The following SOX5 variants were observed in gnomAD, a reference collection of about 807,000 sequenced individuals.
SOX5 encodes the protein transcription factor SOX-5.
Under a neutral mutation model 92.0 loss-of-function variants are expected in SOX5, and 9 were observed. The observed-to-expected ratio is 0.10, with a 90% CI of 0.06 to 0.17. SOX5 has a LOEUF of 0.17. Among genes scored for constraint, SOX5 ranks in the 10% least tolerant of loss-of-function variants. SOX5 has a pLI of 1.00. For synonymous variants in SOX5, 344 were observed against 336.3 expected, an observed-to-expected ratio of 1.02 and a Z score of -0.25; for missense variants, 642 against 944.5, an observed-to-expected ratio of 0.68 and a Z score of 4.20.
chr12:24,208,772 A>G (rs1958282735), intron 4 of SOX5, among the ~76,000 whole-genome samples: 2 of 152,250 alleles, frequency 1.3e-5, no homozygotes, highest in Non-Finnish European at 2.9e-5. Context: ...AGACAGGTTT[A>G]CTTCCAAGTG....
intron 6 of SOX5, among the ~76,000 whole-genome samples, chr12:23,705,019 C>T (rs1469241785): frequency 1.3e-5 from 2 of 151,706 alleles, no homozygotes; most frequent in South Asian, 2.1e-4. Flanking sequence ...AACGTTCTAT[C>T]TATGTTAACT....
chr12:23,799,771 T>G (rs2095629581), intron 3 of SOX5, among the ~76,000 whole-genome samples: 1 of 151,964 alleles, frequency 6.6e-6, no homozygotes, highest in Non-Finnish European at 1.5e-5. Context: ...TTACAGACAG[T>G]GTCCTAGAGG....
intron 4 of SOX5, among the ~76,000 whole-genome samples, chr12:23,963,891 A>T (rs1947254341): frequency 6.6e-6 from 1 of 152,150 alleles, no homozygotes; most frequent in African/African-American, 2.4e-5. Context: ...ACCAGTTATT[A>T]AACTAGTTAT....
chr12:23,570,940 T>A (rs1245380048), intron 10 of SOX5, among the ~76,000 whole-genome samples: 186 of 6,862 alleles, frequency 0.027, 2 homozygotes, highest in Non-Finnish European at 0.034. Context: ...AATATATATA[T>A]ATATATATAT....
intron 8 of SOX5, among the ~76,000 whole-genome samples, chr12:23,606,576 C>T (rs891199041): frequency 4.0e-5 from 6 of 151,798 alleles, no homozygotes; most frequent in South Asian, 2.1e-4. Context: ...ATATTTAAAT[C>T]GCTTAACCAA....
chr12:24,038,282 T>C (rs1262321403), intron 4 of SOX5, among the ~76,000 whole-genome samples: 1 of 152,186 alleles, frequency 6.6e-6, no homozygotes. Flanking sequence ...TGGAATTCAC[T>C]GGCCCTGCAA....
chr12:24,391,924 C>T (rs1360545254), intron 1 of SOX5, among the ~76,000 whole-genome samples: 1 of 151,968 alleles, frequency 6.6e-6, no homozygotes. Context: ...CAAATGTTAC[C>T]AACAATAGGT....
intron 8 of SOX5, among the ~76,000 whole-genome samples, chr12:23,626,621 G>A (rs1445149476): frequency 6.7e-6 from 1 of 149,264 alleles, no homozygotes; most frequent in African/African-American, 2.5e-5. Context: ...CTCACAAGGT[G>A]CAGAGTTTCC....
intron 2 of SOX5, chr12:24,277,450 ATATATGTAAATT>A (rs1189841100): frequency 1.6e-5 from 1 of 61,540 alleles, no homozygotes; most frequent in African/African-American, 3.2e-5. Flanking sequence ...AAACCATTAT[ATATATGTAAATT>A]TACATTTAAA....
chr12:24,241,229 A>T (rs1965501606), intron 3 of SOX5, among the ~76,000 whole-genome samples: 1 of 152,120 alleles, frequency 6.6e-6, no homozygotes, highest in South Asian at 2.1e-4. Context: ...AAACCACAAG[A>T]TTTTTTCTTA....
At chr12:23,611,931 A>G (rs934160130) in intron 8 of SOX5, among the ~76,000 whole-genome samples, 4 of 152,060 alleles carry the variant, frequency 2.6e-5, no homozygotes, top group Admixed American at 2.6e-4. Context: ...AATTAAAAAA[A>G]AAAAAACACA....
chr12:24,185,800 TA>T (rs1310860148), intron 4 of SOX5, among the ~76,000 whole-genome samples: 4 of 152,182 alleles, frequency 2.6e-5, no homozygotes, highest in Non-Finnish European at 4.4e-5. Flanking sequence ...TATCCATGAT[TA>T]ATATTATTTG....
In SOX5 at chr12:24,091,299, T is replaced by C. The variant is rs571692648; in HGVS notation, c.-2+122044A>G. Among the ~76,000 whole-genome samples, 15 of 152,338 alleles carry C rather than the reference T, an allele frequency of 9.8e-5. 1 individual carries two copies. In the East Asian group the frequency reaches 2.9e-3, roughly 29 times the overall value. ...ATGTTATAACCAAGTTACGATATAT[T>C]ATTGTCATATACTGTATCATTGGTG... is the stretch of plus-strand genomic sequence containing the variant. On this transcript the variant is annotated intron_variant, in intron 4 of 4. Coordinates refer to the SOX5 transcript ENST00000446891.
chr12:24,384,003 G>A (rs1251164564), intron 1 of SOX5, among the ~76,000 whole-genome samples: 3 of 152,010 alleles, frequency 2.0e-5, no homozygotes, highest in Non-Finnish European at 4.4e-5. Flanking sequence ...TTTTATAAGC[G>A]GCTTTTCCCC....
rs374907906 is a variant in SOX5, at chr12:23,543,404, C to T, written c.1598-20G>A. 1 of 1,603,828 alleles carries T rather than the reference C, an allele frequency of 6.2e-7. No homozygotes were observed. The highest frequency in any genetic ancestry group is 1.3e-5 in the African/African-American group (1 of 74,716). ...CACTTCCTGAAAACAGGAAACATCACTTCGTGTTAGCGTTAAAACTTTTGT... is the reference window on the plus strand; with the variant it reads ...CACTTCCTGAAAACAGGAAACATCATTTCGTGTTAGCGTTAAAACTTTTGT... On this transcript the variant is annotated intron_variant, in intron 12 of 14. Transcript: ENST00000451604.
At chr12:24,095,582 A>T (rs1289666501) in intron 4 of SOX5, among the ~76,000 whole-genome samples, 1 of 152,108 alleles carries the variant, frequency 6.6e-6, no homozygotes, top group African/African-American at 2.4e-5. Flanking sequence ...GTTTAAAACA[A>T]CTTTTTAAAA....
intron 2 of SOX5, among the ~76,000 whole-genome samples, chr12:24,365,503 C>T (rs1956075423): frequency 6.6e-6 from 1 of 151,716 alleles, no homozygotes; most frequent in Admixed American, 6.6e-5. Flanking sequence ...TTGACCTATA[C>T]CTTCTATCAA....
chr12:23,754,863 A>C (rs1054412092), intron 4 of SOX5, among the ~76,000 whole-genome samples: 13 of 151,834 alleles, frequency 8.6e-5, no homozygotes, highest in African/African-American at 2.9e-4. Context: ...TCTACCAAAA[A>C]TGTACACAGT....
chr12:23,536,566 G>A lies in SOX5; in HGVS notation c.1875C>T (p.Tyr625=), dbSNP rs751053835. 3 of 1,614,160 alleles carry A rather than the reference G, an allele frequency of 1.9e-6. No homozygotes were observed. The highest frequency in any genetic ancestry group is 2.2e-5 in the South Asian group (2 of 91,086). The change falls in exon 14 of 15, where the codon TAC becomes TAT. Residue 625 remains tyrosine (Y), a synonymous_variant. Coordinates refer to ENST00000451604, the MANE Select transcript of SOX5 (RefSeq NM_006940.6). ...QHLEKYPDYK[Y]KPRPKRTCLV... ...GGCAGGTGCGCTTTGGCCTGGGCTT[G>A]TACTTATAGTCAGGGTACTTCTCCA...
Sources: gnomAD v4.1 joint callset for allele counts (sites outside exome capture counted in the v4.1 genomes callset) on GRCh38, gnomAD v4.1.1 for gene constraint, MANE v1.5 for transcripts, NCBI Gene and HGNC (gene_info 2026-07-23, HGNC 2026-07-21) for gene names.